CALB1: variants seen among roughly 807,000 people sequenced by gnomAD.
CALB1 encodes calbindin 1, also known as calbindin.
CALB1 carries 16 observed loss-of-function variants against 46.7 expected under a neutral mutation model. The observed-to-expected ratio is 0.34, with a 90% CI of 0.23 to 0.52. The LOEUF (loss-of-function observed/expected upper bound fraction) is 0.52. CALB1 is among the 20% of genes least tolerant of loss of function. The pLI is 0.95. For synonymous variants in CALB1, 90 were observed against 112.8 expected, an observed-to-expected ratio of 0.80 and a Z score of 1.28; for missense variants, 224 against 300.3, an observed-to-expected ratio of 0.75 and a Z score of 1.88.
intron 2 of CALB1, among the ~76,000 whole-genome samples, chr8:90,079,162 G>A (rs1814677320): frequency 6.6e-6 from 1 of 151,788 alleles, no homozygotes; most frequent in African/African-American, 2.4e-5. Flanking sequence ...CCTTACTAAT[G>A]TTCTATTCTA....
intron 9 of CALB1, chr8:90,061,317 T>C (rs1814293192): frequency 6.6e-6 from 1 of 152,216 alleles, no homozygotes; most frequent in Admixed American, 6.5e-5. Context: ...CCGTATTACC[T>C]TTCCTATGAA....
At chr8:90,078,590 T>A in intron 2 of CALB1, 143 bp from the exon 3 acceptor site, 1 of 563,840 alleles carries the variant, frequency 1.8e-6, no homozygotes, top group Non-Finnish European at 3.1e-6. Flanking sequence ...CTCAAAAAAA[T>A]TAAAGGCATA....
intron 5 of CALB1, among the ~76,000 whole-genome samples, chr8:90,067,659 A>C (rs1056833062): frequency 1.3e-5 from 2 of 152,172 alleles, no homozygotes; most frequent in African/African-American, 4.8e-5. Context: ...ATGCTACTCA[A>C]ACTATGTTGA....
At chr8:90,079,852 C>T (rs557359318) in intron 2 of CALB1, among the ~76,000 whole-genome samples, 13 of 151,918 alleles carry the variant, frequency 8.6e-5, no homozygotes, top group East Asian at 3.9e-4. Context: ...GTTATTAATA[C>T]GAAAAGCCAA....
At chr8:90,068,833 GC>G (rs374739645) in intron 5 of CALB1, among the ~76,000 whole-genome samples, 164 bp downstream of exon 5, 1 of 152,240 alleles carries the variant, frequency 6.6e-6, no homozygotes, top group African/African-American at 2.4e-5. Flanking sequence ...AATTGAAGAT[GC>G]TTTTTTGATC....
Position 90,082,816 on chromosome 8 carries a change from CGGGCGCTGCCGGGCGCTGTCCT to C in CALB1, c.-141_-120del. 3 of 823,958 alleles carry C rather than the reference CGGGCGCTGCCGGGCGCTGTCCT, an allele frequency of 3.6e-6. No homozygotes were observed. Among genetic ancestry groups the C allele is most frequent in the Non-Finnish European group, 6.3e-6 (3 of 476,132 alleles). 51.0% of individuals were successfully genotyped at this position (823,958 alleles called of 1,614,324 possible). ...AGGGCTGCGGAGGGAGACCTGGGCGCGGGCGCTGCCGGGCGCTGTCCTCGGTGCTGCTCAGCTCAGCGTTCCT... is the reference window on the plus strand; with the variant it reads ...AGGGCTGCGGAGGGAGACCTGGGCGCCGGTGCTGCTCAGCTCAGCGTTCCT... On this transcript the variant is annotated 5_prime_UTR_variant, in exon 1 of 11. Transcript: ENST00000265431.
chr8:90,082,297 G>A (rs1162101593), intron 1 of CALB1, 195 bp from the exon 2 acceptor site: 1 of 612,462 alleles, frequency 1.6e-6, no homozygotes, highest in African/African-American at 1.8e-5. Flanking sequence ...TGAGGACAAA[G>A]GAGGATGGTT....
At chr8:90,075,695 T>C (rs1252810840) in intron 3 of CALB1, among the ~76,000 whole-genome samples, 1 of 152,158 alleles carries the variant, frequency 6.6e-6, no homozygotes, top group African/African-American at 2.4e-5. Context: ...CTGTAACTTT[T>C]AATTTCTATT....
intron 6 of CALB1, 83 bp from the exon 7 acceptor site, chr8:90,063,544 T>C (rs528626070): frequency 1.7e-6 from 2 of 1,183,628 alleles, no homozygotes; most frequent in Admixed American, 1.9e-5. Flanking sequence ...TAAAGCTGTT[T>C]GAGTTATCAA....
rs370989803 is a variant in CALB1 at position 90,072,454 on chromosome 8, T to C, written c.232-3217A>G. On this transcript the variant is annotated intron_variant, in intron 3 of 10. Coordinates refer to ENST00000265431, the MANE Select transcript of CALB1 (RefSeq NM_004929.4). ...TTTAATTTCACTGAACCATTAATGT[T>C]ACACTCAACATGATACCATCCTATT... Among the ~76,000 whole-genome samples, 13 of 152,348 alleles carry C rather than the reference T, an allele frequency of 8.5e-5. No individual in the cohort carries two copies. In the East Asian group the frequency reaches 2.1e-3, roughly 25 times the overall value.
chr8:90,075,259 A>G (rs112650665), intron 3 of CALB1, among the ~76,000 whole-genome samples: 23 of 152,298 alleles, frequency 1.5e-4, no homozygotes, highest in African/African-American at 5.3e-4. Flanking sequence ...ATCTTTTTGA[A>G]TGACATCTTT....
chr8:90,060,826 A>C, intron 9 of CALB1, 126 bp from the exon 10 acceptor site: 1 of 798,402 alleles, frequency 1.3e-6, no homozygotes, highest in South Asian at 1.6e-5. Context: ...ATAATCTGTT[A>C]TGTCAGGCCA....
At chr8:90,068,543 TCAATGGGGTAATA>T (rs986005470) in intron 5 of CALB1, among the ~76,000 whole-genome samples, 77 of 152,302 alleles carry the variant, frequency 5.1e-4, no homozygotes, top group African/African-American at 1.8e-3. Context: ...CAACTCTTCC[TCAATGGGGTAATA>T]CAATGTCATA....
In CALB1 at chr8:90,063,406, C is replaced by G; in HGVS notation, c.506G>C (p.Arg169Thr). 1 of 1,609,860 alleles carries G rather than the reference C, an allele frequency of 6.2e-7. No homozygotes were observed. The highest frequency in any genetic ancestry group is 8.5e-7 in the Non-Finnish European group (1 of 1,176,992). The change falls in exon 7 of 11, where the codon AGG becomes ACG. Residue 169 changes from arginine (R) to threonine (T), a missense_variant and splice_region_variant. Physicochemically the swap from Arg to Thr is moderately conservative, Grantham distance 71. Transcript: ENST00000265431. ...DGKLELTEMARLLPVQENFLL... is the reference protein window; with the variant it reads ...DGKLELTEMATLLPVQENFLL... ...TATTTTTCATGGTTCCTAAACTCAC[C>G]TGGCCATCTCAGTTAATTCCAGCTT...
rs532701226 is a variant in CALB1 at position 90,068,744 on chromosome 8, ATCTG to A, written c.372+250_372+253del. On this transcript the variant is annotated intron_variant, in intron 5 of 10. Coordinates refer to ENST00000265431, the MANE Select transcript of CALB1 (RefSeq NM_004929.4). ...GCTTATTCGGCTTATCTATAATTCT[ATCTG>A]TCTGTCTGTCTTATATTTGTGTACA... Among the ~76,000 whole-genome samples, 42 of 152,228 alleles carry A rather than the reference ATCTG, an allele frequency of 2.8e-4. No homozygotes were observed. In the South Asian group the frequency reaches 4.4e-3, roughly 16 times the overall value.
chr8:90,082,597 G>T, intron 1 of CALB1, 22 bp downstream of exon 1: 1 of 1,604,456 alleles, frequency 6.2e-7, no homozygotes, highest in Non-Finnish European at 8.5e-7. Context: ...TCTTGAAACA[G>T]TTAAAAAGAG....
intron 3 of CALB1, among the ~76,000 whole-genome samples, chr8:90,069,620 G>A (rs1331927104): frequency 6.6e-6 from 1 of 152,152 alleles, no homozygotes; most frequent in Non-Finnish European, 1.5e-5. Flanking sequence ...CAGGGTCACA[G>A]AAAGGCACAT....
intron 3 of CALB1, among the ~76,000 whole-genome samples, chr8:90,077,960 A>G (rs912944384): frequency 6.6e-6 from 1 of 152,114 alleles, no homozygotes; most frequent in African/African-American, 2.4e-5. Context: ...TTAAAAGTCA[A>G]GTCTACACTG....
rs986891209 is a variant in CALB1, at chr8:90,082,824, G to A, written c.-127C>T. The A allele has an allele frequency of 2.0e-5, 17 of 831,740 alleles. No individual in the cohort carries two copies. Among genetic ancestry groups the A allele is most frequent in the Non-Finnish European group, 3.3e-5 (16 of 482,730 alleles). The allele number at this position is 831,740 out of a possible 1,614,324, so 51.5% of individuals were successfully genotyped here. On this transcript the variant is annotated 5_prime_UTR_variant, in exon 1 of 11. Coordinates refer to ENST00000265431, the MANE Select transcript of CALB1 (RefSeq NM_004929.4). Reference sequence around the variant, plus strand: ...GGAGGGAGACCTGGGCGCGGGCGCTGCCGGGCGCTGTCCTCGGTGCTGCTC... The same window carrying A: ...GGAGGGAGACCTGGGCGCGGGCGCTACCGGGCGCTGTCCTCGGTGCTGCTC...
Sources: gnomAD v4.1 joint callset for allele counts (sites outside exome capture counted in the v4.1 genomes callset) on GRCh38, gnomAD v4.1.1 for gene constraint, MANE v1.5 for transcripts, NCBI Gene and HGNC (gene_info 2026-07-23, HGNC 2026-07-21) for gene names.